GRHL2: variants seen among roughly 807,000 people sequenced by gnomAD.
The protein encoded by GRHL2 is grainyhead like transcription factor 2, also known as grainyhead-like protein 2 homolog.
In GRHL2, 21 loss-of-function variants were observed where a neutral mutation model predicts 83.8. The ratio of observed to expected loss-of-function variants is 0.25; its 90% confidence interval spans 0.18 to 0.36. The LOEUF (loss-of-function observed/expected upper bound fraction) is 0.36, where lower values mean the gene tolerates loss of function less well. Ranked by LOEUF, GRHL2 falls within the 10% of genes least tolerant of loss-of-function variation. GRHL2 has a pLI of 1.00. For synonymous variants in GRHL2, 280 were observed against 278.9 expected, an observed-to-expected ratio of 1.00 and a Z score of -0.04; for missense variants, 623 against 781.8, an observed-to-expected ratio of 0.80 and a Z score of 2.42.
At chr8:101,600,918 G>T (rs946716823) in intron 8 of GRHL2, among the ~76,000 whole-genome samples, 2 of 152,150 alleles carry the variant, frequency 1.3e-5, no homozygotes, top group Non-Finnish European at 2.9e-5. Flanking sequence ...AGCACTTTGA[G>T]AGGCCAAGGT....
At chr8:101,505,999 A>G (rs1201526322) in intron 1 of GRHL2, among the ~76,000 whole-genome samples, 1 of 152,236 alleles carries the variant, frequency 6.6e-6, no homozygotes, top group African/African-American at 2.4e-5. Flanking sequence ...TAGAGCTTTC[A>G]GGGCTAACTA....
intron 1 of GRHL2, among the ~76,000 whole-genome samples, chr8:101,529,799 C>T (rs892473895): frequency 9.9e-5 from 15 of 152,230 alleles, no homozygotes; most frequent in South Asian, 6.2e-4. Context: ...GGCAGGGGGC[C>T]GCTCTCTTGA....
chr8:101,533,923 T>C (rs1271675420), intron 1 of GRHL2, among the ~76,000 whole-genome samples: 1 of 152,136 alleles, frequency 6.6e-6, no homozygotes, highest in African/African-American at 2.4e-5. Context: ...CTGGGGGACC[T>C]GGTAGGTCAT....
chr8:101,570,505 T>A, intron 5 of GRHL2, 111 bp downstream of exon 5: 2 of 898,094 alleles, frequency 2.2e-6, no homozygotes, highest in Non-Finnish European at 1.9e-6. Flanking sequence ...TACAGAACAG[T>A]GTGATTTCCT....
At chr8:101,603,638 T>A (rs1276639548) in intron 8 of GRHL2, among the ~76,000 whole-genome samples, 1 of 152,250 alleles carries the variant, frequency 6.6e-6, no homozygotes, top group Non-Finnish European at 1.5e-5. Context: ...AGGCGGATTC[T>A]GGCAGAACTA....
Position 101,666,913 on chromosome 8 carries a change from C to G in GRHL2, c.*210C>G, listed in dbSNP as rs555366735. 4.8e-4 allele frequency: 303 copies of G among 627,722 alleles called. 1 individual carries two copies. The highest frequency in any genetic ancestry group is 4.5e-3 in the African/African-American group (250 of 55,040). 38.9% of individuals were successfully genotyped at this position (627,722 alleles called of 1,614,324 possible). ...ACCTACCACGGAGCTGAAGCCTGAG[C>G]CCCTCAGGAAGGTGCCTTAGGCCTG... is the stretch of plus-strand genomic sequence containing the variant. On this transcript the variant is annotated 3_prime_UTR_variant, in exon 16 of 16. Transcript: ENST00000646743.
At chr8:101,663,631 A>AATT (rs1563633193) in intron 14 of GRHL2, among the ~76,000 whole-genome samples, 5 of 104,752 alleles carry the variant, frequency 4.8e-5, no homozygotes, top group African/African-American at 1.5e-4. Context: ...ATAAATAAAT[A>AATT]AATAAATAAA....
chr8:101,634,772 C>G (rs139253343), intron 11 of GRHL2, among the ~76,000 whole-genome samples: 10 of 152,152 alleles, frequency 6.6e-5, no homozygotes, highest in Admixed American at 2.6e-4. Flanking sequence ...GTATTTCACT[C>G]TCAGGCCACC....
At chr8:101,616,800 T>C (rs1175522555) in intron 8 of GRHL2, among the ~76,000 whole-genome samples, 2 of 152,232 alleles carry the variant, frequency 1.3e-5, no homozygotes, top group Non-Finnish European at 1.5e-5. Flanking sequence ...CTATCCCCTA[T>C]ATCTAATGTT....
the GRHL2 span, among the ~76,000 whole-genome samples, chr8:101,677,770 A>G: frequency 6.6e-6 from 1 of 152,238 alleles, no homozygotes; most frequent in Non-Finnish European, 1.5e-5. Flanking sequence ...CGCATTCCCA[A>G]GGGTGTCTGG....
intron 1 of GRHL2, among the ~76,000 whole-genome samples, chr8:101,523,431 C>T (rs534657288): frequency 5.9e-5 from 9 of 151,980 alleles, no homozygotes; most frequent in South Asian, 2.1e-4. Flanking sequence ...CACTACCACC[C>T]GTCCCAGCTT....
At chr8:101,525,874 G>A (rs964743212) in intron 1 of GRHL2, among the ~76,000 whole-genome samples, 3 of 152,182 alleles carry the variant, frequency 2.0e-5, no homozygotes, top group African/African-American at 4.8e-5. Flanking sequence ...GGAGGCTGAG[G>A]CAGAATGGCT....
At chr8:101,542,070 T>G (rs1811165174) in intron 1 of GRHL2, among the ~76,000 whole-genome samples, 2 of 152,240 alleles carry the variant, frequency 1.3e-5, no homozygotes, top group Admixed American at 6.5e-5. Flanking sequence ...ACACTGTGTT[T>G]GCAAAGTAGC....
intron 7 of GRHL2, among the ~76,000 whole-genome samples, chr8:101,582,749 C>T (rs1296023557): frequency 6.6e-6 from 1 of 152,178 alleles, no homozygotes; most frequent in African/African-American, 2.4e-5. Flanking sequence ...GTCACTAAGC[C>T]AGAAGTGGAG....
At chr8:101,676,934 C>A in the GRHL2 span, among the ~76,000 whole-genome samples, 1 of 151,924 alleles carries the variant, frequency 6.6e-6, no homozygotes. Context: ...AACTGGAAAC[C>A]ATCATTCTCA....
At chr8:101,519,882 A>G (rs1810648413) in intron 1 of GRHL2, among the ~76,000 whole-genome samples, 2 of 152,206 alleles carry the variant, frequency 1.3e-5, no homozygotes, top group South Asian at 4.1e-4. Flanking sequence ...ATCCAGGACT[A>G]GAGGACTTGA....
chr8:101,545,869 C>CCTTT (rs1563573764), intron 2 of GRHL2, among the ~76,000 whole-genome samples: 1 of 111,472 alleles, frequency 9.0e-6, no homozygotes, highest in African/African-American at 3.6e-5. Context: ...CTCTTTGTAA[C>CCTTT]ATTTTTTTTT....
At chr8:101,678,804 A>C in the GRHL2 span, among the ~76,000 whole-genome samples, 1 of 151,990 alleles carries the variant, frequency 6.6e-6, no homozygotes, top group African/African-American at 2.4e-5. Context: ...GGCACCCCCC[A>C]GCAGGGGCAC....
intron 4 of GRHL2, among the ~76,000 whole-genome samples, chr8:101,560,085 A>T (rs990451130): frequency 6.6e-6 from 1 of 152,096 alleles, no homozygotes; most frequent in Non-Finnish European, 1.5e-5. Flanking sequence ...GGCTCACTGC[A>T]ACCTCTGCCT....
Sources: allele counts gnomAD v4.1 joint callset (sites outside exome capture counted in the v4.1 genomes callset), GRCh38; gene constraint gnomAD v4.1.1; transcripts MANE v1.5; gene names NCBI Gene and HGNC (gene_info 2026-07-23, HGNC 2026-07-21).